The following PDE4A variants were observed in gnomAD, a reference collection of about 807,000 sequenced individuals.
PDE4A encodes the protein 3',5'-cyclic-AMP phosphodiesterase 4A.
A neutral mutation model predicts 73.9 loss-of-function variants in PDE4A; 21 were observed. That is an observed-to-expected ratio of 0.28 (90% confidence interval 0.20 to 0.41). PDE4A has a LOEUF of 0.41. PDE4A is among the 10% of genes least tolerant of loss of function. The pLI is 1.00. For synonymous variants in PDE4A, 463 were observed against 505.4 expected (o/e 0.92, Z 1.13); for missense variants, 958 against 1,211.4 (o/e 0.79, Z 3.10).
In PDE4A at chr19:10,448,906, C is replaced by G. The variant is rs762591203; in HGVS notation, c.513-11C>G. 1 of 1,613,872 alleles carries G rather than the reference C, an allele frequency of 6.2e-7. No homozygotes were observed. The highest frequency in any genetic ancestry group is 8.5e-7 in the Non-Finnish European group (1 of 1,179,868). ...TGCGGACCCCTGACCTGCCTCTGTC[C>G]TCAATCACAGGCACGCTGAAGACCT... On this transcript the variant is annotated splice_polypyrimidine_tract_variant and intron_variant, in intron 2 of 14. Coordinates refer to ENST00000380702, the MANE Select transcript of PDE4A (RefSeq NM_001111307.2).
chr19:10,425,003 C>T (rs1778161723), intron 1 of PDE4A, among the ~76,000 whole-genome samples: 1 of 152,120 alleles, frequency 6.6e-6, no homozygotes, highest in African/African-American at 2.4e-5. Flanking sequence ...GGGCGGATCA[C>T]GAATGAGGTC....
chr19:10,446,548 C>G, intron 2 of PDE4A, 139 bp downstream of exon 2: 1 of 945,394 alleles, frequency 1.1e-6, no homozygotes, highest in South Asian at 1.9e-5. Flanking sequence ...GAAGGGTAAG[C>G]AGCACCCTGC....
chr19:10,438,492 C>A (rs931164660), intron 1 of PDE4A, among the ~76,000 whole-genome samples: 1 of 152,136 alleles, frequency 6.6e-6, no homozygotes, highest in South Asian at 2.1e-4. Context: ...GGCACCCACT[C>A]TTCTACTTTC....
At chr19:10,427,713 T>G in intron 1 of PDE4A, 1 of 940,352 alleles carries the variant, frequency 1.1e-6, no homozygotes, top group Non-Finnish European at 1.3e-6. Context: ...GTCACTCCTC[T>G]CTGGGCCTTG....
upstream of PDE4A, chr19:10,416,929 G>C (rs775300678): frequency 6.5e-7 from 1 of 1,540,464 alleles, no homozygotes; most frequent in South Asian, 1.2e-5. Context: ...CCAACGGCGC[G>C]CTAGGTTGGC....
chr19:10,449,335 GTTTGTTTGTTTGTTTTTTGTTT>G (rs796136328), intron 4 of PDE4A, among the ~76,000 whole-genome samples, 185 bp downstream of exon 4: 4,274 of 151,102 alleles, frequency 0.028, 202 homozygotes, highest in African/African-American at 0.099. Flanking sequence ...GGTGTTTTTT[GTTTGTTTGTTTGTTTTTTGTTT>G]TTTGTTTGTT....
Position 10,458,202 on chromosome 19 carries a change from A to G in PDE4A, c.1101+100A>G, listed in dbSNP as rs2043203109. The G allele has an allele frequency of 2.6e-6, 3 of 1,148,484 alleles. No individual in the cohort carries two copies. The highest frequency in any genetic ancestry group is 1.3e-6 in the Non-Finnish European group (1 of 794,348). 71.1% of individuals were successfully genotyped at this position (1,148,484 alleles called of 1,614,324 possible). A position where few individuals can be genotyped will look rare whatever the true frequency, so the allele number is the denominator to read the frequency against. ...TTATGTCTTAGGCCAGGTTTCCCAG[A>G]AGCAGAGCTTGAGATGAGGGTTTGA... is the stretch of plus-strand genomic sequence containing the variant. On this transcript the variant is annotated intron_variant, in intron 8 of 14. Transcript: ENST00000380702. This position sits in a 1 kb window ranked among gnomAD's most constrained non-coding sequence, Gnocchi z 4.6.
Position 10,442,220 on chromosome 19 carries a change from TCTA to T in PDE4A, c.321-3994_321-3992del, listed in dbSNP as rs894235823. ...CATAAGACTTTACTGGAATGGTCTC[TCTA>T]CTAAGAAATAAGTTTGAAATCTCCT... is the stretch of plus-strand genomic sequence containing the variant. On this transcript the variant is annotated intron_variant, in intron 1 of 14. Transcript: ENST00000380702. 4.3e-4 allele frequency among the ~76,000 whole-genome samples: 66 copies of T among 152,170 alleles called. 1 individual carries two copies. The highest frequency in any genetic ancestry group is 6.8e-3 in the Middle Eastern group (2 of 292).
chr19:10,463,912 C>A lies in PDE4A; in HGVS notation c.1863C>A (p.Arg621=). Residue 621 remains arginine (R), a synonymous_variant, in exon 14 of 15, where the codon CGC becomes CGA. Coordinates refer to ENST00000380702, the MANE Select transcript of PDE4A (RefSeq NM_001111307.2). The part of the protein sequence containing the change: ...AEFFQQGDRE[R]ERGMEISPMC... Reference sequence around the variant, plus strand: ...TCTTCCAGCAGGGTGACCGAGAGCGCGAGCGTGGCATGGAAATCAGCCCCA... The same window carrying A: ...TCTTCCAGCAGGGTGACCGAGAGCGAGAGCGTGGCATGGAAATCAGCCCCA... 6.2e-7 allele frequency: 1 copy of A among 1,614,068 alleles called. No individual in the cohort carries two copies. Among genetic ancestry groups the A allele is most frequent in the Non-Finnish European group, 8.5e-7 (1 of 1,180,006 alleles).
At chr19:10,462,980 G>A (rs2043298773) in intron 13 of PDE4A, among the ~76,000 whole-genome samples, 1 of 152,168 alleles carries the variant, frequency 6.6e-6, no homozygotes, top group Non-Finnish European at 1.5e-5. Flanking sequence ...GACTGTTTGA[G>A]GCCAGGAGTT....
rs1253520921 is a variant in PDE4A at position 10,437,222 on chromosome 19, CA to C, written c.321-8994del. On this transcript the variant is annotated intron_variant, in intron 1 of 14. Coordinates refer to ENST00000380702, the MANE Select transcript of PDE4A (RefSeq NM_001111307.2). ...CACTGCAATCTCCACCTCCCAGGAT[CA>C]AGTGATTCTCCTGCCTCAGCCTCCT... 1.1e-3 allele frequency among the ~76,000 whole-genome samples: 172 copies of C among 152,162 alleles called. 1 individual carries two copies. Among genetic ancestry groups the C allele is most frequent in the African/African-American group, 4.1e-3 (171 of 41,526 alleles).
intron 1 of PDE4A, among the ~76,000 whole-genome samples, chr19:10,422,933 A>G (rs2145444579): frequency 6.6e-6 from 1 of 151,548 alleles, no homozygotes; most frequent in East Asian, 1.9e-4. Context: ...GGCTCCAGGG[A>G]CTCCTCCTAG....
chr19:10,417,189 G>A, upstream of PDE4A: 1 of 984,174 alleles, frequency 1.0e-6, no homozygotes, highest in Non-Finnish European at 1.2e-6. Flanking sequence ...GCCGGCCCAG[G>A]GACAGCAGGC....
At chr19:10,429,177 TGAA>T (rs912548878) in intron 1 of PDE4A, among the ~76,000 whole-genome samples, 14 of 102,850 alleles carry the variant, frequency 1.4e-4, no homozygotes, top group Non-Finnish European at 1.9e-4. Flanking sequence ...AAGGAAGAAA[TGAA>T]GGAAGGAAGG....
rs1350225507 is a variant in PDE4A, at chr19:10,446,375, A to C, written c.478A>C (p.Thr160Pro). ...SDSDYDMSPK[T>P]MSRNSSVTSE... ...CAGCGACTATGACATGTCACCCAAG[A>C]CCATGTCCCGGAACTCATCGGTCAC... Residue 160 changes from threonine to proline, a missense_variant, in exon 2 of 15, where the codon ACC becomes CCC. Thr to Pro is a conservative substitution (Grantham distance 38). Transcript: ENST00000380702. 2 of 1,613,116 alleles carry C rather than the reference A, an allele frequency of 1.2e-6. No homozygotes were observed. Among genetic ancestry groups the C allele is most frequent in the Non-Finnish European group, 1.7e-6 (2 of 1,179,400 alleles).
At chr19:10,439,382 G>A (rs1225782810) in intron 1 of PDE4A, among the ~76,000 whole-genome samples, 12 of 151,834 alleles carry the variant, frequency 7.9e-5, no homozygotes, top group South Asian at 4.2e-4. Context: ...GGGTTTCACC[G>A]TGTTGGCCAG....
At chr19:10,425,233 A>AT (rs1555727999) in intron 1 of PDE4A, among the ~76,000 whole-genome samples, 1 of 151,244 alleles carries the variant, frequency 6.6e-6, no homozygotes, top group African/African-American at 2.4e-5. Context: ...AAAAAAAAAA[A>AT]CAAAAAACAA....
chr19:10,461,462 C>G (rs868324133), intron 11 of PDE4A, 64 bp from the exon 12 acceptor site: 1 of 1,587,556 alleles, frequency 6.3e-7, no homozygotes, highest in Middle Eastern at 2.2e-4. Context: ...GGGGGCGGAG[C>G]TGGCCCTCCT....
In PDE4A at chr19:10,420,722, G is replaced by A. The variant is rs1351974079; in HGVS notation, c.-43G>A. On this transcript the variant is annotated 5_prime_UTR_variant, in exon 1 of 15. Coordinates refer to ENST00000380702, the MANE Select transcript of PDE4A (RefSeq NM_001111307.2). This position sits in a 1 kb window ranked among gnomAD's most constrained non-coding sequence, Gnocchi z 6.0. ...CGCGCAGCTGAGCGGGGTGTAGGTT[G>A]GAAGGGCCAGGGCCCCCTGGGGCGC... 1.4e-6 allele frequency: 2 copies of A among 1,460,762 alleles called. No individual in the cohort carries two copies. Among genetic ancestry groups the A allele is most frequent in the African/African-American group, 3.0e-5 (2 of 67,330 alleles). 90.5% of individuals were successfully genotyped at this position (1,460,762 alleles called of 1,614,324 possible). A position where few individuals can be genotyped will look rare whatever the true frequency, so the allele number is the denominator to read the frequency against.
Sources: allele counts gnomAD v4.1 joint callset (sites outside exome capture counted in the v4.1 genomes callset), GRCh38; gene constraint gnomAD v4.1.1; non-coding constraint Gnocchi (gnomAD v3.1); transcripts MANE v1.5; gene names NCBI Gene and HGNC (gene_info 2026-07-23, HGNC 2026-07-21).